Variants in PMPCB observed in about 807,000 individuals in gnomAD.
PMPCB encodes the protein peptidase, mitochondrial processing subunit beta.
In PMPCB, 46 loss-of-function variants were observed where a neutral mutation model predicts 61.5. The ratio of observed to expected loss-of-function variants is 0.75; its 90% CI spans 0.59 to 0.96. The LOEUF is 0.96. Among genes scored for constraint, PMPCB ranks in the 40% least tolerant of loss-of-function variants. The probability of loss-of-function intolerance (pLI) is 0.00; values close to 1 mark genes in which losing one functional copy is unlikely to be tolerated. For missense variants in PMPCB, 590 were observed against 602.4 expected, an observed-to-expected ratio of 0.98 and a Z score of 0.22; for synonymous variants, 191 against 201.6, an observed-to-expected ratio of 0.95 and a Z score of 0.44.
chr7:103,308,219 T>G lies in PMPCB; in HGVS notation c.849+511T>G, dbSNP rs538102269. Among the ~76,000 whole-genome samples, 10 of 152,368 alleles carry G rather than the reference T, an allele frequency of 6.6e-5. No homozygotes were observed. In the South Asian group the frequency reaches 2.1e-3, roughly 32 times the overall value. ...GCTTAGTTTGCCATGTTGAGGATGATGCTCAAAGTAGTATCTGGAAAATGC... is the reference window on the plus strand; with the variant it reads ...GCTTAGTTTGCCATGTTGAGGATGAGGCTCAAAGTAGTATCTGGAAAATGC... On this transcript the variant is annotated intron_variant, in intron 7 of 12. Coordinates refer to ENST00000249269, the MANE Select transcript of PMPCB (RefSeq NM_004279.3).
chr7:103,313,779 CA>C lies in PMPCB; in HGVS notation c.*1511del, dbSNP rs1029246744. ...AAACATCTAAGATGTGTGTCAGAAACAAATATGTTTCTTAAGGATGTTAAGT... is the reference window on the plus strand; with the variant it reads ...AAACATCTAAGATGTGTGTCAGAAACAATATGTTTCTTAAGGATGTTAAGT... On this transcript the variant is annotated 3_prime_UTR_variant, in exon 13 of 13. Transcript: ENST00000249269. 1 of 985,198 alleles carries C rather than the reference CA, an allele frequency of 1.0e-6. No individual in the cohort carries two copies. Among genetic ancestry groups the C allele is most frequent in the African/African-American group, 1.7e-5 (1 of 57,332 alleles). The allele number at this position is 985,198 out of a possible 1,614,324, so 61.0% of individuals were successfully genotyped here. A position where few individuals can be genotyped will look rare whatever the true frequency, so the allele number is the denominator to read the frequency against.
At position 103,313,462 on chromosome 7, in the gene PMPCB, AAG is replaced by A; in HGVS notation, c.*1194_*1195del. 1 of 985,024 alleles carries A rather than the reference AAG, an allele frequency of 1.0e-6. No individual in the cohort carries two copies. Among genetic ancestry groups the A allele is most frequent in the Non-Finnish European group, 1.2e-6 (1 of 829,550 alleles). 61.0% of individuals were successfully genotyped at this position (985,024 alleles called of 1,614,324 possible). ...CTCAAAAACACAACCACAATTCATT[AAG>A]AGTTCTGATAAATCTACTTCCTTAC... On this transcript the variant is annotated 3_prime_UTR_variant, in exon 13 of 13. Transcript: ENST00000249269.
At chr7:103,298,484 A>C (rs1031806316) in intron 1 of PMPCB, 84 bp from the exon 2 acceptor site, 1 of 1,333,614 alleles carries the variant, frequency 7.5e-7, no homozygotes, top group African/African-American at 1.5e-5. Flanking sequence ...CCTATTTAAA[A>C]TAGATTTGGT....
rs561765830 is a variant in PMPCB, at chr7:103,314,007, T to C, written c.*1736T>C. On this transcript the variant is annotated 3_prime_UTR_variant, in exon 13 of 13. Coordinates refer to ENST00000249269, the MANE Select transcript of PMPCB (RefSeq NM_004279.3). ...AGTTAAGCCTAGAAACCAAAGTTCCTTCCCAATTAAAGAAGGAAAAACAAA... is the reference window on the plus strand; with the variant it reads ...AGTTAAGCCTAGAAACCAAAGTTCCCTCCCAATTAAAGAAGGAAAAACAAA... 2 of 985,364 alleles carry C rather than the reference T, an allele frequency of 2.0e-6. No homozygotes were observed. Among genetic ancestry groups the C allele is most frequent in the East Asian group, 1.1e-4 (1 of 8,814 alleles). The allele number at this position is 985,364 out of a possible 1,614,324, so 61.0% of individuals were successfully genotyped here. A position where few individuals can be genotyped will look rare whatever the true frequency, so the allele number is the denominator to read the frequency against.
At chr7:103,304,166 G>C in intron 5 of PMPCB, 126 bp downstream of exon 5, 1 of 785,302 alleles carries the variant, frequency 1.3e-6, no homozygotes, top group Non-Finnish European at 2.0e-6. Context: ...TGAAACTGTA[G>C]TTAGCTACAT....
In PMPCB at chr7:103,310,382, A is replaced by G. The variant is rs1245184431; in HGVS notation, c.1061A>G (p.Asn354Ser). Residue 354 changes from asparagine to serine, a missense_variant, in exon 9 of 13, where the codon AAC becomes AGC. Coordinates refer to ENST00000249269, the MANE Select transcript of PMPCB (RefSeq NM_004279.3). ...GNLCHSFQSF[N>S]TSYTDTGLWG... is the part of the protein sequence containing the mutation. Reference sequence around the variant, plus strand: ...CTTTGCCATAGCTTTCAGTCTTTCAACACTTCCTACACAGATACAGGATTA... The same window carrying G: ...CTTTGCCATAGCTTTCAGTCTTTCAGCACTTCCTACACAGATACAGGATTA... 2 of 1,613,486 alleles carry G rather than the reference A, an allele frequency of 1.2e-6. No individual in the cohort carries two copies. The highest frequency in any genetic ancestry group is 2.2e-5 in the East Asian group (1 of 44,846).
At chr7:103,318,665 GTTGAA>G (rs1194403892), downstream of PMPCB, among the ~76,000 whole-genome samples, 1 of 152,244 alleles carries the variant, frequency 6.6e-6, no homozygotes, top group African/African-American at 2.4e-5. Context: ...ACTAATACTT[GTTGAA>G]TTGAATTGAA....
At chr7:103,300,980 G>A (rs1817435099) in intron 4 of PMPCB, among the ~76,000 whole-genome samples, 1 of 152,242 alleles carries the variant, frequency 6.6e-6, no homozygotes, top group South Asian at 2.1e-4. Context: ...CACTGTGCAC[G>A]GCCATTAGTG....
chr7:103,316,338 A>C, downstream of PMPCB: 1 of 315,208 alleles, frequency 3.2e-6, no homozygotes, highest in Non-Finnish European at 5.7e-6. Flanking sequence ...ACAAATCAAC[A>C]TAAATAAAAC....
chr7:103,302,628 T>G (rs1817479935), intron 4 of PMPCB, among the ~76,000 whole-genome samples: 1 of 152,274 alleles, frequency 6.6e-6, no homozygotes, highest in African/African-American at 2.4e-5. Flanking sequence ...AGCCACAGCT[T>G]ACTATAATAG....
chr7:103,327,585 G>A lies in PMPCB; in HGVS notation c.*1432-1346G>A, dbSNP rs1277921296. 2.9e-6 allele frequency: 3 copies of A among 1,048,366 alleles called. No individual in the cohort carries two copies. In the Admixed American group the frequency reaches 6.3e-5, roughly 22 times the overall value. 64.9% of individuals were successfully genotyped at this position (1,048,366 alleles called of 1,614,324 possible). A position where few individuals can be genotyped will look rare whatever the true frequency, so the allele number is the denominator to read the frequency against. On this transcript the variant is annotated intron_variant and NMD_transcript_variant, in intron 12 of 12. Transcript: ENST00000444457. Reference sequence around the variant, plus strand: ...GTTGAATGAACTACAGTATGCATAAGAAACCCAATCCCAGCAATTAATAAA... The same window carrying A: ...GTTGAATGAACTACAGTATGCATAAAAAACCCAATCCCAGCAATTAATAAA...
rs968159171 is a variant in PMPCB, at chr7:103,299,291, T to G, written c.241-152T>G. The G allele has an allele frequency of 3.6e-4, 205 of 571,542 alleles. 1 individual carries two copies. Among genetic ancestry groups the G allele is most frequent in the Non-Finnish European group, 8.0e-5 (26 of 326,158 alleles). 35.4% of individuals were successfully genotyped at this position (571,542 alleles called of 1,614,324 possible). A position where few individuals can be genotyped will look rare whatever the true frequency, so the allele number is the denominator to read the frequency against. ...TCCTGATCGAAATTTTTAAATCTCA[T>G]AGTTCACAGGAATGAACTATCAATT... On this transcript the variant is annotated intron_variant, in intron 2 of 12. Transcript: ENST00000249269.
At chr7:103,297,706 C>G in intron 1 of PMPCB, 148 bp downstream of exon 1, 1 of 1,535,542 alleles carries the variant, frequency 6.5e-7, no homozygotes, top group Non-Finnish European at 8.7e-7. Flanking sequence ...CCTGGGGCTG[C>G]TGAACTGGCC....
chr7:103,344,591 C>G, the PMPCB span: 1 of 1,612,828 alleles, frequency 6.2e-7, no homozygotes, highest in South Asian at 1.1e-5. Context: ...GGCGGTGCCC[C>G]GGCCGTCCGC....
chr7:103,341,691 T>C, the PMPCB span: 1 of 1,248,872 alleles, frequency 8.0e-7, no homozygotes, highest in Non-Finnish European at 1.1e-6. Context: ...TGTTTATTAA[T>C]GGAAAACTCA....
At chr7:103,311,763 G>T (rs1303185273) in intron 10 of PMPCB, 35 bp downstream of exon 10, 1 of 1,601,328 alleles carries the variant, frequency 6.2e-7, no homozygotes. Context: ...TTTTCATATG[G>T]TTGATCTGTA....
chr7:103,306,621 G>A (rs1464853430), intron 6 of PMPCB, among the ~76,000 whole-genome samples: 2 of 152,098 alleles, frequency 1.3e-5, no homozygotes, highest in African/African-American at 4.8e-5. Flanking sequence ...CTGACCTCAG[G>A]TGATCCGCCT....
the PMPCB span, among the ~76,000 whole-genome samples, chr7:103,346,088 C>T: frequency 3.9e-5 from 6 of 152,156 alleles, no homozygotes; most frequent in African/African-American, 1.4e-4. Context: ...CTCACACCTC[C>T]TCCCATTCAA....
intron 12 of PMPCB, chr7:103,322,635 A>G: frequency 6.2e-7 from 1 of 1,613,002 alleles, no homozygotes; most frequent in Non-Finnish European, 8.5e-7. Flanking sequence ...TGCATTGTCT[A>G]GCAAAAGAAA....
Sources: gnomAD v4.1 joint callset for allele counts (sites outside exome capture counted in the v4.1 genomes callset) on GRCh38, gnomAD v4.1.1 for gene constraint, MANE v1.5 for transcripts, NCBI Gene and HGNC (gene_info 2026-07-23, HGNC 2026-07-21) for gene names.